Variants in CDK14 observed in about 807,000 individuals in gnomAD.
The protein encoded by CDK14 is cyclin-dependent kinase 14.
Under a neutral mutation model 60.7 loss-of-function variants are expected in CDK14, and 34 were observed. The ratio of observed to expected loss-of-function variants is 0.56; its 90% CI spans 0.43 to 0.75. The LOEUF (loss-of-function observed/expected upper bound fraction) is 0.75, where lower values mean the gene tolerates loss of function less well. CDK14 is among the 30% of genes least tolerant of loss of function. The pLI is 0.00. For synonymous variants in CDK14, 197 were observed against 203.7 expected (o/e 0.97, Z 0.28); for missense variants, 482 against 564.1 (o/e 0.85, Z 1.47).
chr7:91,034,198 A>T (rs1796845999), intron 10 of CDK14, among the ~76,000 whole-genome samples: 1 of 152,164 alleles, frequency 6.6e-6, no homozygotes, highest in Non-Finnish European at 1.5e-5. Context: ...TAAGTGCTGC[A>T]GCCTCTGAGA....
At chr7:90,683,946 A>G (rs1481374358) in intron 2 of CDK14, among the ~76,000 whole-genome samples, 1 of 151,778 alleles carries the variant, frequency 6.6e-6, no homozygotes, top group Non-Finnish European at 1.5e-5. Flanking sequence ...GCATTCATAT[A>G]TACATTCACA....
chr7:90,676,114 A>G (rs1315799070), intron 2 of CDK14, among the ~76,000 whole-genome samples: 1 of 152,240 alleles, frequency 6.6e-6, no homozygotes, highest in Non-Finnish European at 1.5e-5. Context: ...GTAATGAGCA[A>G]ATCAGACACA....
intron 3 of CDK14, among the ~76,000 whole-genome samples, chr7:90,744,591 G>A (rs1212741531): frequency 6.6e-6 from 1 of 151,536 alleles, no homozygotes; most frequent in Non-Finnish European, 1.5e-5. Flanking sequence ...GGGCGGCCGG[G>A]CAGAAGCGCC....
Position 91,167,809 on chromosome 7 carries a change from A to C in CDK14, c.*29-39356A>C, listed in dbSNP as rs370571880. Among the ~76,000 whole-genome samples, 93 of 152,364 alleles carry C rather than the reference A, an allele frequency of 6.1e-4. 3 individuals carry two copies. The South Asian group carries it at 0.017, about 29-fold the overall frequency. ...GAAATAATATTTTCATCTTAAAAAA[A>C]TGGGAAAAGAATAGTGTCTACCACA... On this transcript the variant is annotated intron_variant, in intron 14 of 14. Transcript: ENST00000380050.
At chr7:90,867,323 T>A (rs1791224083) in intron 6 of CDK14, among the ~76,000 whole-genome samples, 1 of 152,224 alleles carries the variant, frequency 6.6e-6, no homozygotes, top group South Asian at 2.1e-4. Context: ...AACAAATTTT[T>A]CTTCTACTTA....
chr7:90,651,464 T>TTAC (rs1800639780), intron 2 of CDK14, among the ~76,000 whole-genome samples: 1 of 152,192 alleles, frequency 6.6e-6, no homozygotes, highest in African/African-American at 2.4e-5. Flanking sequence ...CTTCTAGCAG[T>TTAC]TACTAATATT....
intron 2 of CDK14, among the ~76,000 whole-genome samples, chr7:90,697,076 G>C (rs1801676005): frequency 6.6e-6 from 1 of 152,146 alleles, no homozygotes; most frequent in Non-Finnish European, 1.5e-5. Context: ...AGAATGAATG[G>C]ACTGAGGAAG....
At chr7:90,892,442 G>T (rs935214495) in intron 6 of CDK14, among the ~76,000 whole-genome samples, 4 of 152,184 alleles carry the variant, frequency 2.6e-5, no homozygotes, top group Non-Finnish European at 5.9e-5. Context: ...ATCTGCATAT[G>T]ACTGCAGTTA....
At chr7:90,836,781 G>A (rs1272010632) in intron 5 of CDK14, among the ~76,000 whole-genome samples, 1 of 152,190 alleles carries the variant, frequency 6.6e-6, no homozygotes, top group Admixed American at 6.5e-5. Context: ...AAACACAGGA[G>A]TAATGCATTG....
At chr7:90,740,028 A>G (rs1342294749) in intron 3 of CDK14, among the ~76,000 whole-genome samples, 1 of 152,044 alleles carries the variant, frequency 6.6e-6, no homozygotes, top group Non-Finnish European at 1.5e-5. Flanking sequence ...TTTGTATCTT[A>G]CAAATTTCTT....
At chr7:91,082,854 T>G (rs1268246346) in intron 12 of CDK14, among the ~76,000 whole-genome samples, 1 of 152,228 alleles carries the variant, frequency 6.6e-6, no homozygotes, top group Non-Finnish European at 1.5e-5. Flanking sequence ...TTTCTTGTCA[T>G]TATAGCTGAT....
At chr7:91,190,424 A>C (rs1802324654) in intron 14 of CDK14, among the ~76,000 whole-genome samples, 1 of 152,184 alleles carries the variant, frequency 6.6e-6, no homozygotes, top group South Asian at 2.1e-4. Flanking sequence ...AGTGTTAGCA[A>C]ATGTTAGAAA....
In CDK14 at chr7:91,118,149, A is replaced by G; in HGVS notation, c.1379A>G (p.Tyr460Cys). 6.2e-7 allele frequency: 1 copy of G among 1,613,404 alleles called. No homozygotes were observed. Among genetic ancestry groups the G allele is most frequent in the Non-Finnish European group, 8.5e-7 (1 of 1,179,418 alleles). Reference sequence around the variant, plus strand: ...CGGGCCTTTGGGAAAAACAATAGTTATGGCAAAAGTCTATCAAACAGCAAG... The same window carrying G: ...CGGGCCTTTGGGAAAAACAATAGTTGTGGCAAAAGTCTATCAAACAGCAAG... Reference protein sequence around the residue: ...SMRAFGKNNSYGKSLSNSKH With the variant: ...SMRAFGKNNSCGKSLSNSKH Residue 460 changes from tyrosine (Y) to cysteine (C), a missense_variant, in exon 14 of 15, where the codon TAT becomes TGT. Coordinates refer to ENST00000380050, the MANE Select transcript of CDK14 (RefSeq NM_001287135.2).
chr7:90,897,163 A>C (rs1195541060), intron 6 of CDK14, among the ~76,000 whole-genome samples: 1 of 152,126 alleles, frequency 6.6e-6, no homozygotes, highest in Non-Finnish European at 1.5e-5. Flanking sequence ...TGTTTCTTGA[A>C]TTATGTTAAA....
chr7:91,091,721 A>AGAAGGAAGGAAGGAAGGAAGGAAG (rs869034752), intron 12 of CDK14, among the ~76,000 whole-genome samples: 5 of 103,812 alleles, frequency 4.8e-5, no homozygotes, highest in African/African-American at 1.5e-4. Flanking sequence ...AGGGAAGGAA[A>AGAAGGAAGGAAGGAAGGAAGGAAG]GAAGGAAGGA....
chr7:91,125,247 C>T (rs1799906533), intron 14 of CDK14, among the ~76,000 whole-genome samples: 1 of 152,122 alleles, frequency 6.6e-6, no homozygotes, highest in Non-Finnish European at 1.5e-5. Flanking sequence ...TCAGGGAGGG[C>T]TAGACACTGG....
chr7:90,790,728 G>C, intron 5 of CDK14, 76 bp downstream of exon 5: 2 of 855,772 alleles, frequency 2.3e-6, no homozygotes, highest in Non-Finnish European at 3.8e-6. Flanking sequence ...ATACACCTCT[G>C]AATATGCTGA....
intron 5 of CDK14, among the ~76,000 whole-genome samples, chr7:90,857,903 G>A (rs982035307): frequency 1.3e-5 from 2 of 152,094 alleles, no homozygotes; most frequent in Non-Finnish European, 2.9e-5. Flanking sequence ...ACATATCGTA[G>A]GCTGTTTTCT....
At chr7:90,709,595 CG>C in intron 2 of CDK14, 1 of 1,612,696 alleles carries the variant, frequency 6.2e-7, no homozygotes, top group Non-Finnish European at 8.5e-7. Flanking sequence ...ACTCTGCCTT[CG>C]TGGGAACTCC....
Sources: allele counts gnomAD v4.1 joint callset (sites outside exome capture counted in the v4.1 genomes callset), GRCh38; gene constraint gnomAD v4.1.1; transcripts MANE v1.5; gene names NCBI Gene and HGNC (gene_info 2026-07-23, HGNC 2026-07-21).